Variants in PTPRE observed in about 807,000 individuals in gnomAD.
The protein encoded by PTPRE is protein tyrosine phosphatase receptor type E.
A neutral mutation model predicts 102.0 loss-of-function variants in PTPRE; 51 were observed. That is an observed-to-expected ratio of 0.50 (90% confidence interval 0.40 to 0.63). PTPRE has a LOEUF of 0.63. Ranked by LOEUF, PTPRE falls within the 30% of genes least tolerant of loss-of-function variation. The pLI, the probability that PTPRE is intolerant of heterozygous loss-of-function variation, is 0.00. For missense variants in PTPRE, 752 were observed against 915.1 expected (o/e 0.82, Z 2.30); for synonymous variants, 345 against 348.2 (o/e 0.99, Z 0.10).
At chr10:127,923,694 AG>A (rs1279903714) in intron 1 of PTPRE, among the ~76,000 whole-genome samples, 1 of 152,148 alleles carries the variant, frequency 6.6e-6, no homozygotes, top group Non-Finnish European at 1.5e-5. Flanking sequence ...GGCTCCAAGG[AG>A]AGCTTCTGTT....
chr10:127,961,774 T>C (rs1367590895), intron 1 of PTPRE, among the ~76,000 whole-genome samples: 2 of 152,316 alleles, frequency 1.3e-5, no homozygotes, highest in South Asian at 4.1e-4. Context: ...TATTTATTCC[T>C]GTCTCCCCCA....
chr10:128,067,440 A>G (rs1386135769), intron 11 of PTPRE, among the ~76,000 whole-genome samples: 1 of 151,342 alleles, frequency 6.6e-6, no homozygotes, highest in African/African-American at 2.4e-5. Context: ...ACCCACATTC[A>G]CACATGCACA....
rs773568728 is a variant in PTPRE, at chr10:128,034,460, C to T, written c.-7-6415C>T. Among the ~76,000 whole-genome samples, 31 of 152,098 alleles carry T rather than the reference C, an allele frequency of 2.0e-4. No individual in the cohort carries two copies. In the South Asian group the frequency reaches 2.1e-3, roughly 10 times the overall value. ...ATCCCAGCACTTTGGGAGGTCAGGG[C>T]GGGAGGATTGCTTGAGTCTAGGAGT... On this transcript the variant is annotated intron_variant, in intron 2 of 20. Coordinates refer to ENST00000254667, the MANE Select transcript of PTPRE (RefSeq NM_006504.6).
intron 2 of PTPRE, among the ~76,000 whole-genome samples, chr10:128,039,793 G>A (rs906614006): frequency 1.1e-4 from 17 of 152,106 alleles, no homozygotes; most frequent in Non-Finnish European, 2.5e-4. Flanking sequence ...TGGGGAGTGG[G>A]GGGGCCACAC....
chr10:127,956,778 T>C (rs976366002), intron 1 of PTPRE, among the ~76,000 whole-genome samples: 7 of 152,226 alleles, frequency 4.6e-5, no homozygotes, highest in African/African-American at 1.2e-4. Flanking sequence ...AGGTGGGTAG[T>C]GGTGTCATAT....
intron 2 of PTPRE, among the ~76,000 whole-genome samples, chr10:128,016,604 T>G (rs570973371): frequency 6.6e-6 from 1 of 151,856 alleles, no homozygotes; most frequent in East Asian, 1.9e-4. Flanking sequence ...CAGAGGGCAG[T>G]TCAGTGGCCT....
chr10:128,072,730 G>T (rs75851089), intron 16 of PTPRE: 2,456 of 151,142 alleles, frequency 0.016, 89 homozygotes, highest in East Asian at 0.14. Flanking sequence ...TAAGTAATTG[G>T]CTCTTTTTTC....
At chr10:128,069,884 T>A in intron 13 of PTPRE, 57 bp downstream of exon 13, 1 of 1,612,776 alleles carries the variant, frequency 6.2e-7, no homozygotes, top group Non-Finnish European at 8.5e-7. Flanking sequence ...CCCGATGCCT[T>A]CGCCACACAG....
intron 1 of PTPRE, among the ~76,000 whole-genome samples, chr10:127,973,585 C>T (rs1385218110): frequency 6.6e-6 from 1 of 152,062 alleles, no homozygotes; most frequent in Non-Finnish European, 1.5e-5. Flanking sequence ...CATCAGCTTT[C>T]CTAATTTTCA....
chr10:127,936,198 G>C (rs1043960965), intron 1 of PTPRE: 5 of 152,104 alleles, frequency 3.3e-5, no homozygotes, highest in African/African-American at 1.2e-4. Flanking sequence ...TTGTAAAGGG[G>C]GACAGTGCCA....
At chr10:128,045,943 C>T (rs376460949) in intron 3 of PTPRE, among the ~76,000 whole-genome samples, 5 of 152,186 alleles carry the variant, frequency 3.3e-5, no homozygotes, top group East Asian at 3.9e-4. Context: ...GGGGGAGGCA[C>T]GGACCCCACC....
intron 16 of PTPRE, 79 bp from the exon 17 acceptor site, chr10:128,073,258 C>T: frequency 6.4e-7 from 1 of 1,574,628 alleles, no homozygotes; most frequent in Admixed American, 1.7e-5. Flanking sequence ...AGGCCTTAGG[C>T]TGTCCTAAAC....
rs377445215 is a variant in PTPRE at position 128,061,885 on chromosome 10, AAC to A, written c.625+177_625+178del. ...CACAACGGATATGTGTAGTCAGAGA[AAC>A]ACACACTTATTCCCACACCTATATG... On this transcript the variant is annotated intron_variant, in intron 9 of 20. Transcript: ENST00000254667. Among the ~76,000 whole-genome samples, 264 of 152,316 alleles carry A rather than the reference AAC, an allele frequency of 1.7e-3. 1 individual carries two copies. The highest frequency in any genetic ancestry group is 6.0e-3 in the African/African-American group (249 of 41,562).
intron 12 of PTPRE, chr10:128,068,590 A>G (rs1283619122): frequency 4.4e-6 from 1 of 226,410 alleles, no homozygotes; most frequent in Non-Finnish European, 8.6e-6. Context: ...ATCCCAAGTC[A>G]CCTCTGGGAA....
At chr10:128,065,680 G>A (rs1190020741) in intron 10 of PTPRE, among the ~76,000 whole-genome samples, 2 of 152,190 alleles carry the variant, frequency 1.3e-5, no homozygotes, top group Non-Finnish European at 2.9e-5. Context: ...GAATCCAGTG[G>A]GAAATGTCTG....
chr10:127,985,380 C>G (rs1851998940), intron 2 of PTPRE, among the ~76,000 whole-genome samples: 1 of 151,970 alleles, frequency 6.6e-6, no homozygotes. Context: ...ATCAGGAGTT[C>G]AAGACCAGCC....
At chr10:128,079,267 C>G (rs921504760) in intron 19 of PTPRE, among the ~76,000 whole-genome samples, 2 of 152,190 alleles carry the variant, frequency 1.3e-5, no homozygotes, top group African/African-American at 4.8e-5. Context: ...TTGCCCTACA[C>G]AAGGAAGAGG....
At chr10:127,995,920 A>G (rs1236302074) in intron 2 of PTPRE, among the ~76,000 whole-genome samples, 1 of 152,076 alleles carries the variant, frequency 6.6e-6, no homozygotes, top group East Asian at 1.9e-4. Context: ...TAAAGGGTGC[A>G]TTAGCGTGAA....
chr10:128,066,765 CAAAAT>C (rs1220321718), intron 11 of PTPRE, among the ~76,000 whole-genome samples: 2 of 152,170 alleles, frequency 1.3e-5, no homozygotes, highest in Non-Finnish European at 2.9e-5. Flanking sequence ...AATTAGGTCA[CAAAAT>C]AAGTGTCTGA....
Sources: gnomAD v4.1 joint callset for allele counts (sites outside exome capture counted in the v4.1 genomes callset) on GRCh38, gnomAD v4.1.1 for gene constraint, MANE v1.5 for transcripts, NCBI Gene and HGNC (gene_info 2026-07-23, HGNC 2026-07-21) for gene names.